KPNA6: variants seen among roughly 807,000 people sequenced by gnomAD.
KPNA6 encodes karyopherin subunit alpha 6, also known as importin subunit alpha-7.
In KPNA6, 9 loss-of-function variants were observed where a neutral mutation model predicts 72.0. The observed-to-expected ratio is 0.13, with a 90% CI of 0.08 to 0.22. The LOEUF is 0.22. Among genes scored for constraint, KPNA6 ranks in the 10% least tolerant of loss-of-function variants. The pLI, the probability that KPNA6 is intolerant of heterozygous loss-of-function variation, is 1.00. For synonymous variants in KPNA6, 219 were observed against 242.1 expected (o/e 0.90, Z 0.89); for missense variants, 374 against 655.7 (o/e 0.57, Z 4.69).
intron 1 of KPNA6, among the ~76,000 whole-genome samples, chr1:32,119,013 TATATATATATATA>T (rs1227484248): frequency 0.013 from 953 of 75,678 alleles, 38 homozygotes; most frequent in African/African-American, 0.057. Context: ...TATATATATA[TATATATATATATA>T]TATATATTTT....
At chr1:32,119,683 G>A (rs1412927393) in intron 1 of KPNA6, among the ~76,000 whole-genome samples, 1 of 151,918 alleles carries the variant, frequency 6.6e-6, no homozygotes, top group Non-Finnish European at 1.5e-5. Flanking sequence ...TGTGGTTCTA[G>A]TGTTGTTGAT....
rs1642526654 is a variant in KPNA6, at chr1:32,176,310, T to C, written c.*5416T>C. On this transcript the variant is annotated 3_prime_UTR_variant, in exon 14 of 14. Coordinates refer to ENST00000373625, the MANE Select transcript of KPNA6 (RefSeq NM_012316.5). ...ATGAATCTAATCCTTCTCACTGGTT[T>C]TTCTTTGCAAATTCATTTGCTTTTA... The C allele has an allele frequency of 6.6e-6, 1 of 152,138 alleles. No homozygotes were observed. Among genetic ancestry groups the C allele is most frequent in the African/African-American group, 2.4e-5 (1 of 41,434 alleles). The allele number at this position is 152,138 out of a possible 1,614,324, so 9.4% of individuals were successfully genotyped here. A position where few individuals can be genotyped will look rare whatever the true frequency, so the allele number is the denominator to read the frequency against.
chr1:32,139,177 A>C (rs1014874116), intron 1 of KPNA6, among the ~76,000 whole-genome samples: 5 of 152,202 alleles, frequency 3.3e-5, no homozygotes, highest in African/African-American at 1.2e-4. Context: ...TATTTGTTGT[A>C]GATGCCGGGG....
rs1260792850 is a variant in KPNA6 at position 32,170,769 on chromosome 1, G to A, written c.1486G>A (p.Asp496Asn). 6 of 1,614,144 alleles carry A rather than the reference G, an allele frequency of 3.7e-6. No individual in the cohort carries two copies. In the African/African-American group the frequency reaches 4.0e-5, roughly 11 times the overall value. The change falls in exon 14 of 14, where the codon GAC becomes AAC. Residue 496 changes from aspartate to asparagine, a missense_variant. Physicochemically the swap from Asp to Asn is conservative, Grantham distance 23. This residue lies in a region of KPNA6 where 34 missense variants were observed against 110.5 expected (regional missense o/e 0.31). Coordinates refer to ENST00000373625, the MANE Select transcript of KPNA6 (RefSeq NM_012316.5). The stretch of plus-strand genomic sequence containing the variant: ...CCAGGAGATCTACCAGAAGGCCTTC[G>A]ACCTCATTGAGCACTACTTTGGTGT... ...ENQEIYQKAF[D>N]LIEHYFGVED...
At chr1:32,145,959 A>G (rs1641922398) in intron 1 of KPNA6, among the ~76,000 whole-genome samples, 1 of 152,236 alleles carries the variant, frequency 6.6e-6, no homozygotes, top group Non-Finnish European at 1.5e-5. Context: ...CATTCCATGT[A>G]GTCAGAGATA....
intron 1 of KPNA6, among the ~76,000 whole-genome samples, chr1:32,121,737 C>G (rs1401550642): frequency 6.6e-6 from 1 of 152,128 alleles, no homozygotes; most frequent in African/African-American, 2.4e-5. Flanking sequence ...CTTAGGGAGG[C>G]TGAGATGGGT....
chr1:32,133,837 C>G lies in KPNA6; in HGVS notation c.5-20751C>G, dbSNP rs559862302. On this transcript the variant is annotated intron_variant, in intron 1 of 13. Coordinates refer to ENST00000373625, the MANE Select transcript of KPNA6 (RefSeq NM_012316.5). ...GGCGGATCACTTGAGGTCAGGAGTTCGAGACCAGCCTGGCAAACGTGGTGA... is the reference window on the plus strand; with the variant it reads ...GGCGGATCACTTGAGGTCAGGAGTTGGAGACCAGCCTGGCAAACGTGGTGA... Among the ~76,000 whole-genome samples, 229 of 151,824 alleles carry G rather than the reference C, an allele frequency of 1.5e-3. 1 individual carries two copies. Among genetic ancestry groups the G allele is most frequent in the African/African-American group, 5.3e-3 (219 of 41,424 alleles).
intron 1 of KPNA6, among the ~76,000 whole-genome samples, chr1:32,140,685 T>C (rs1186703821): frequency 2.6e-5 from 4 of 152,130 alleles, no homozygotes; most frequent in Admixed American, 6.5e-5. Context: ...GGAAAATGAA[T>C]GAAAAAATGC....
In KPNA6 at chr1:32,151,757, G is replaced by A. The variant is rs150555165; in HGVS notation, c.5-2831G>A. ...GTCTGAAACAGTTTATAGCAACAGGGGAAATCCTATCCCTCTTATTCCATC... is the reference window on the plus strand; with the variant it reads ...GTCTGAAACAGTTTATAGCAACAGGAGAAATCCTATCCCTCTTATTCCATC... On this transcript the variant is annotated intron_variant, in intron 1 of 13. Transcript: ENST00000373625. Among the ~76,000 whole-genome samples, 149 of 152,286 alleles carry A rather than the reference G, an allele frequency of 9.8e-4. No homozygotes were observed. The East Asian group carries it at 0.02, about 20-fold the overall frequency.
In KPNA6 at chr1:32,166,120, T is replaced by G; in HGVS notation, c.1006T>G (p.Ser336Ala). The G allele has an allele frequency of 2.5e-6, 4 of 1,613,882 alleles. No homozygotes were observed. In the South Asian group the frequency reaches 4.4e-5, roughly 18 times the overall value. ...GGTGTTCTAGGTCATTCTTAACTGT[T>G]CAGCCCTACCTTGCCTTCTCCACTT... ...DIQTQVILNCSALPCLLHLLS... is the reference protein window; with the variant it reads ...DIQTQVILNCAALPCLLHLLS... Residue 336 changes from serine to alanine, a missense_variant, in exon 11 of 14, where the codon TCA becomes GCA. This residue lies in a region of KPNA6 where 298 missense variants were observed against 495.4 expected (regional missense o/e 0.60). Coordinates refer to ENST00000373625, the MANE Select transcript of KPNA6 (RefSeq NM_012316.5).
At chr1:32,133,208 G>T (rs1641672132) in intron 1 of KPNA6, among the ~76,000 whole-genome samples, 1 of 151,970 alleles carries the variant, frequency 6.6e-6, no homozygotes, top group Admixed American at 6.6e-5. Flanking sequence ...GCCGGGTGTG[G>T]TGGTACACAC....
intron 1 of KPNA6, among the ~76,000 whole-genome samples, chr1:32,111,849 A>C (rs943936169): frequency 1.3e-5 from 2 of 152,314 alleles, no homozygotes; most frequent in East Asian, 1.9e-4. Flanking sequence ...GGTGCCCTGT[A>C]GGGGTGATAT....
At chr1:32,160,065 G>A (rs1296352631) in intron 6 of KPNA6, among the ~76,000 whole-genome samples, 4 of 152,122 alleles carry the variant, frequency 2.6e-5, no homozygotes, top group Admixed American at 6.5e-5. Flanking sequence ...TTGGGAGGCC[G>A]AGGTGGGCAG....
intron 10 of KPNA6, 37 bp downstream of exon 10, chr1:32,163,350 A>G (rs762658353): frequency 5.3e-5 from 79 of 1,477,230 alleles, no homozygotes; most frequent in African/African-American, 2.8e-5. Context: ...TAGACCAGCT[A>G]TGGAAGAGCT....
At chr1:32,110,028 G>A (rs1447246015) in intron 1 of KPNA6, among the ~76,000 whole-genome samples, 1 of 151,038 alleles carries the variant, frequency 6.6e-6, no homozygotes, top group African/African-American at 2.4e-5. Flanking sequence ...TTGTGTGTGG[G>A]GCAAGCAAAA....
chr1:32,154,850 G>C (rs998837475), intron 2 of KPNA6, 129 bp downstream of exon 2: 2 of 939,040 alleles, frequency 2.1e-6, no homozygotes, highest in Non-Finnish European at 3.2e-6. Flanking sequence ...GCTCATGTCT[G>C]TAATCCCAGC....
At chr1:32,124,111 T>G (rs1250111678) in intron 1 of KPNA6, among the ~76,000 whole-genome samples, 6 of 151,556 alleles carry the variant, frequency 4.0e-5, no homozygotes. Flanking sequence ...ATTTTTAGGT[T>G]AAGCTCAAAC....
intron 1 of KPNA6, among the ~76,000 whole-genome samples, chr1:32,126,348 C>G (rs1415806723): frequency 7.3e-6 from 1 of 137,322 alleles, no homozygotes; most frequent in Non-Finnish European, 1.5e-5. Flanking sequence ...CATGTTCCCT[C>G]TAGGTGTTAG....
intron 1 of KPNA6, among the ~76,000 whole-genome samples, chr1:32,137,221 A>G (rs563118057): frequency 7.9e-5 from 12 of 152,178 alleles, no homozygotes; most frequent in Non-Finnish European, 1.6e-4. Context: ...CTGTCACCCA[A>G]GCTGGAGCAC....
Sources: gnomAD v4.1 joint callset for allele counts (sites outside exome capture counted in the v4.1 genomes callset) on GRCh38, gnomAD v4.1.1 for gene constraint, gnomAD v4.1.1 regional missense constraint, MANE v1.5 for transcripts, NCBI Gene and HGNC (gene_info 2026-07-23, HGNC 2026-07-21) for gene names.